COG5: variants seen among roughly 807,000 people sequenced by gnomAD.
COG5 encodes the protein component of oligomeric golgi complex 5, also known as conserved oligomeric Golgi complex subunit 5.
Under a neutral mutation model 110.4 loss-of-function variants are expected in COG5, and 86 were observed. The ratio of observed to expected loss-of-function variants is 0.78; its 90% CI spans 0.65 to 0.93. COG5 has a LOEUF of 0.93. Ranked by LOEUF, COG5 falls within the 40% of genes least tolerant of loss-of-function variation. The pLI is 0.00. For synonymous variants in COG5, 360 were observed against 334.6 expected (o/e 1.08, Z -0.83); for missense variants, 1,077 against 987.0 (o/e 1.09, Z -1.22).
intron 7 of COG5, among the ~76,000 whole-genome samples, chr7:107,412,020 C>T (rs1267774234): frequency 2.0e-5 from 3 of 152,052 alleles, no homozygotes; most frequent in African/African-American, 7.2e-5. Flanking sequence ...TAAATTATGG[C>T]ATAATGATTA....
intron 12 of COG5, 52 bp downstream of exon 12, chr7:107,298,090 A>C: frequency 1.2e-6 from 1 of 856,618 alleles, no homozygotes; most frequent in Non-Finnish European, 1.7e-6. Flanking sequence ...TAAAATTTAA[A>C]ATAAAAATAA....
intron 6 of COG5, among the ~76,000 whole-genome samples, chr7:107,446,444 C>G (rs1458667157): frequency 6.6e-6 from 1 of 152,194 alleles, no homozygotes; most frequent in Non-Finnish European, 1.5e-5. Flanking sequence ...CAGCCTTCAA[C>G]ATGATCCCCC....
At chr7:107,441,081 G>A (rs1282451890) in intron 6 of COG5, among the ~76,000 whole-genome samples, 2 of 150,826 alleles carry the variant, frequency 1.3e-5, no homozygotes, top group African/African-American at 4.9e-5. Context: ...GTGAAACCCC[G>A]TCTCTACTAA....
chr7:107,474,315 T>G lies in COG5; in HGVS notation c.538+52922A>C. On this transcript the variant is annotated intron_variant, in intron 6 of 21. Transcript: ENST00000297135. The surrounding 1 kb of genome is among the most constrained non-coding windows in gnomAD (Gnocchi z 5.7). ...GTAACATTATTACAATGAATCTTCATGTACTTGATGTAATAATTTGTGTGG... is the reference window on the plus strand; with the variant it reads ...GTAACATTATTACAATGAATCTTCAGGTACTTGATGTAATAATTTGTGTGG... 1 of 1,610,266 alleles carries G rather than the reference T, an allele frequency of 6.2e-7. No homozygotes were observed. Among genetic ancestry groups the G allele is most frequent in the Non-Finnish European group, 8.5e-7 (1 of 1,176,664 alleles).
At chr7:107,343,772 T>C (rs932927528) in intron 10 of COG5, among the ~76,000 whole-genome samples, 1 of 152,160 alleles carries the variant, frequency 6.6e-6, no homozygotes, top group African/African-American at 2.4e-5. Context: ...GATGTTATGT[T>C]AGCATGCATG....
At position 107,486,247 on chromosome 7, in the gene COG5, C is replaced by T. The variant is rs191830069; in HGVS notation, c.538+40990G>A. On this transcript the variant is annotated intron_variant, in intron 6 of 21. Coordinates refer to ENST00000297135, the MANE Select transcript of COG5 (RefSeq NM_006348.5). Reference sequence around the variant, plus strand: ...TTTCTATTTCCATCATCATAGTTTACGCCCTCAATATCCTAGACCACTGTG... The same window carrying T: ...TTTCTATTTCCATCATCATAGTTTATGCCCTCAATATCCTAGACCACTGTG... Among the ~76,000 whole-genome samples, 514 of 151,970 alleles carry T rather than the reference C, an allele frequency of 3.4e-3. 1 individual carries two copies. The highest frequency in any genetic ancestry group is 6.8e-3 in the Middle Eastern group (2 of 294).
chr7:107,438,642 C>T (rs1443523441), intron 6 of COG5, among the ~76,000 whole-genome samples: 1 of 152,170 alleles, frequency 6.6e-6, no homozygotes, highest in Admixed American at 6.5e-5. Flanking sequence ...TGGACTATCA[C>T]ATGAGAAAGA....
At chr7:107,408,144 GT>G (rs1792000189) in intron 7 of COG5, among the ~76,000 whole-genome samples, 3 of 152,180 alleles carry the variant, frequency 2.0e-5, no homozygotes, top group Non-Finnish European at 4.4e-5. Context: ...GACAAATCTG[GT>G]TTATTGCTTG....
At chr7:107,388,560 A>G (rs2395859) in intron 7 of COG5, among the ~76,000 whole-genome samples, 24,199 of 152,184 alleles carry the variant, frequency 0.16, 2,346 homozygotes, top group Non-Finnish European at 0.22. Context: ...GAGTATGGGT[A>G]AAGACCCTGC....
intron 10 of COG5, among the ~76,000 whole-genome samples, chr7:107,339,136 T>G (rs1810963428): frequency 6.6e-6 from 1 of 152,078 alleles, no homozygotes; most frequent in Admixed American, 6.6e-5. Flanking sequence ...GAGACTGATC[T>G]CACATGCAGT....
chr7:107,373,147 G>A (rs1337458379), intron 7 of COG5, among the ~76,000 whole-genome samples: 1 of 151,962 alleles, frequency 6.6e-6, no homozygotes, highest in African/African-American at 2.4e-5. Flanking sequence ...TTAATTCTGT[G>A]GAGTTGACTG....
chr7:107,507,802 G>C (rs1423647249), intron 6 of COG5, among the ~76,000 whole-genome samples: 4 of 152,070 alleles, frequency 2.6e-5, no homozygotes, highest in African/African-American at 7.3e-5. Flanking sequence ...GCTACAATAA[G>C]AACATCAGTG....
chr7:107,465,437 G>T (rs1796241838), intron 6 of COG5, among the ~76,000 whole-genome samples: 1 of 152,030 alleles, frequency 6.6e-6, no homozygotes, highest in Non-Finnish European at 1.5e-5. Context: ...AAATATTGAC[G>T]AAATAAATGT....
intron 11 of COG5, among the ~76,000 whole-genome samples, chr7:107,302,252 GA>G (rs1430456444): frequency 1.3e-5 from 2 of 152,108 alleles, no homozygotes; most frequent in African/African-American, 4.8e-5. Flanking sequence ...CTGCATGAAA[GA>G]AGCCAAACAA....
At chr7:107,312,098 T>G (rs1808322789) in intron 11 of COG5, among the ~76,000 whole-genome samples, 1 of 151,704 alleles carries the variant, frequency 6.6e-6, no homozygotes, top group Non-Finnish European at 1.5e-5. Flanking sequence ...AACCATCTTT[T>G]CATGTCCCTG....
intron 6 of COG5, among the ~76,000 whole-genome samples, chr7:107,456,846 C>T (rs1456192000): frequency 6.6e-6 from 1 of 152,162 alleles, no homozygotes; most frequent in Non-Finnish European, 1.5e-5. Context: ...ATAACAGGAG[C>T]ATTCAATATG....
intron 6 of COG5, among the ~76,000 whole-genome samples, chr7:107,486,975 C>G (rs1476521293): frequency 6.6e-6 from 1 of 151,964 alleles, no homozygotes; most frequent in Non-Finnish European, 1.5e-5. Context: ...AAAAAAATAG[C>G]AGATAGATAA....
chr7:107,385,685 G>A (rs1403673901), intron 7 of COG5, among the ~76,000 whole-genome samples: 4 of 152,092 alleles, frequency 2.6e-5, no homozygotes, highest in African/African-American at 9.7e-5. Context: ...AAAGTAAAAT[G>A]GAGGTTTCCA....
intron 6 of COG5, among the ~76,000 whole-genome samples, chr7:107,445,778 TCATGCACTCATC>T (rs1563039712): frequency 6.6e-6 from 1 of 152,224 alleles, no homozygotes; most frequent in Non-Finnish European, 1.5e-5. Context: ...AACCATTCAC[TCATGCACTCATC>T]CATTCTTTTA....
Sources: gnomAD v4.1 joint callset for allele counts (sites outside exome capture counted in the v4.1 genomes callset) on GRCh38, gnomAD v4.1.1 for gene constraint, Gnocchi (gnomAD v3.1) non-coding constraint, MANE v1.5 for transcripts, NCBI Gene and HGNC (gene_info 2026-07-23, HGNC 2026-07-21) for gene names.